Variants in ZCCHC7 observed in about 807,000 individuals in gnomAD.
ZCCHC7 encodes the protein zinc finger CCHC domain-containing protein 7.
Under a neutral mutation model 52.0 loss-of-function variants are expected in ZCCHC7, and 35 were observed. The observed-to-expected ratio is 0.67, with a 90% CI of 0.51 to 0.89. The LOEUF (loss-of-function observed/expected upper bound fraction) is 0.89, where lower values mean the gene tolerates loss of function less well. Ranked by LOEUF, ZCCHC7 falls within the 40% of genes least tolerant of loss-of-function variation. ZCCHC7 has a pLI of 0.00. For synonymous variants in ZCCHC7, 217 were observed against 221.5 expected, an observed-to-expected ratio of 0.98 and a Z score of 0.18; for missense variants, 574 against 649.1, an observed-to-expected ratio of 0.88 and a Z score of 1.26.
intron 5 of ZCCHC7, among the ~76,000 whole-genome samples, chr9:37,318,531 AAC>A (rs1406156431): frequency 1.3e-5 from 2 of 151,976 alleles, no homozygotes; most frequent in African/African-American, 2.4e-5. Flanking sequence ...CATTAAGTAA[AAC>A]ACACAGATTA....
At chr9:37,328,849 C>A (rs1284574560) in intron 6 of ZCCHC7, among the ~76,000 whole-genome samples, 1 of 151,864 alleles carries the variant, frequency 6.6e-6, no homozygotes, top group Non-Finnish European at 1.5e-5. Flanking sequence ...TTTGTGATTA[C>A]CATTTAATTT....
intron 2 of ZCCHC7, among the ~76,000 whole-genome samples, chr9:37,279,883 G>A (rs780369645): frequency 2.0e-4 from 30 of 150,540 alleles, no homozygotes; most frequent in South Asian, 1.3e-3. Context: ...CACCGGGTGC[G>A]GTGGCTTAAG....
chr9:37,208,447 C>T (rs1032849216), intron 2 of ZCCHC7, among the ~76,000 whole-genome samples: 1 of 152,144 alleles, frequency 6.6e-6, no homozygotes, highest in Non-Finnish European at 1.5e-5. Context: ...TCACTTCTAG[C>T]TTTAATAGGC....
intron 2 of ZCCHC7, chr9:37,205,209 G>A (rs748504721): frequency 2.6e-6 from 1 of 380,348 alleles, no homozygotes. Context: ...AGCGTGCAGG[G>A]TAACATTGTA....
In ZCCHC7 at chr9:37,126,165, A is replaced by G. The variant is rs780899297; in HGVS notation, c.-21-147A>G. The stretch of plus-strand genomic sequence containing the variant: ...GAGTGGGTCCTAACAGGACTTAGAA[A>G]TCCTTGGAAAAAAAGGTATTTTAAT... On this transcript the variant is annotated intron_variant, in intron 1 of 8. Coordinates refer to ENST00000336755, the MANE Select transcript of ZCCHC7 (RefSeq NM_032226.3). The G allele has an allele frequency of 1.6e-4, 127 of 815,020 alleles. 1 individual carries two copies. The highest frequency in any genetic ancestry group is 3.9e-4 in the Admixed American group (13 of 33,352). The allele number at this position is 815,020 out of a possible 1,614,324, so 50.5% of individuals were successfully genotyped here.
intron 2 of ZCCHC7, among the ~76,000 whole-genome samples, chr9:37,254,402 T>C (rs1170129697): frequency 2.0e-5 from 3 of 151,962 alleles, no homozygotes. Context: ...GTTAACCCTT[T>C]ATATTGGTTT....
chr9:37,138,839 A>G (rs1344667937), intron 2 of ZCCHC7, among the ~76,000 whole-genome samples: 1 of 151,614 alleles, frequency 6.6e-6, no homozygotes, highest in Admixed American at 6.6e-5. Flanking sequence ...TTTGTTTATT[A>G]TAAAAATAAT....
intron 2 of ZCCHC7, 99 bp from the exon 3 acceptor site, chr9:37,302,089 T>G (rs1331402326): frequency 2.5e-5 from 24 of 943,366 alleles, no homozygotes; most frequent in Non-Finnish European, 3.7e-5. Flanking sequence ...AGTGTACCTT[T>G]GGGGTCCAAT....
rs1032365988 is a variant in ZCCHC7, at chr9:37,293,534, T to C, written c.611-8654T>C. Among the ~76,000 whole-genome samples the C allele has an allele frequency of 3.3e-5, 5 of 152,278 alleles. No individual in the cohort carries two copies. In the East Asian group the frequency reaches 9.6e-4, roughly 29 times the overall value. ...CTTGTCATTTTACAGATATTGTAAA[T>C]ATACATATGGTATATTTTCTTTTTG... is the stretch of plus-strand genomic sequence containing the variant. On this transcript the variant is annotated intron_variant, in intron 2 of 8. Transcript: ENST00000336755.
intron 2 of ZCCHC7, among the ~76,000 whole-genome samples, chr9:37,235,441 T>G (rs1825596666): frequency 6.6e-6 from 1 of 151,796 alleles, no homozygotes; most frequent in Non-Finnish European, 1.5e-5. Flanking sequence ...ATTTTATTCT[T>G]TCTTTTCTTT....
chr9:37,218,278 A>C (rs1824619734), intron 2 of ZCCHC7, among the ~76,000 whole-genome samples: 1 of 152,202 alleles, frequency 6.6e-6, no homozygotes, highest in Admixed American at 6.5e-5. Context: ...ACTACAATTA[A>C]ATAATAAGGC....
intron 5 of ZCCHC7, among the ~76,000 whole-genome samples, chr9:37,322,912 TCAG>T (rs1450167959): frequency 7.2e-5 from 11 of 152,162 alleles, no homozygotes; most frequent in Admixed American, 6.6e-5. Context: ...TATTTCTGCA[TCAG>T]CAGTATGGGG....
intron 7 of ZCCHC7, among the ~76,000 whole-genome samples, chr9:37,351,879 A>G (rs1283912372): frequency 6.6e-6 from 1 of 152,218 alleles, no homozygotes; most frequent in Non-Finnish European, 1.5e-5. Context: ...GATAGGAAAT[A>G]TATTAAAAGC....
At chr9:37,256,970 G>A (rs1429552280) in intron 2 of ZCCHC7, among the ~76,000 whole-genome samples, 10 of 152,030 alleles carry the variant, frequency 6.6e-5, no homozygotes, top group Non-Finnish European at 8.8e-5. Context: ...ATTGGATATG[G>A]ATACCTATAA....
intron 2 of ZCCHC7, among the ~76,000 whole-genome samples, chr9:37,189,914 C>T (rs1564168150): frequency 6.6e-6 from 1 of 152,174 alleles, no homozygotes; most frequent in Non-Finnish European, 1.5e-5. Flanking sequence ...TAGGATCAAC[C>T]TTATGCAGGC....
At chr9:37,242,744 A>G (rs948759726) in intron 2 of ZCCHC7, among the ~76,000 whole-genome samples, 2 of 151,812 alleles carry the variant, frequency 1.3e-5, no homozygotes, top group East Asian at 1.9e-4. Flanking sequence ...GTTATTTTAA[A>G]TTGTGTATTT....
intron 2 of ZCCHC7, among the ~76,000 whole-genome samples, chr9:37,188,299 C>T (rs1335152081): frequency 1.3e-5 from 2 of 152,082 alleles, no homozygotes; most frequent in East Asian, 3.9e-4. Context: ...AGATGTGTGC[C>T]ATCATGCCTG....
intron 6 of ZCCHC7, among the ~76,000 whole-genome samples, chr9:37,333,521 T>G (rs1044798863): frequency 6.6e-6 from 1 of 151,762 alleles, no homozygotes; most frequent in Non-Finnish European, 1.5e-5. Flanking sequence ...GTTGTACTTC[T>G]GTTTTAAAAA....
intron 2 of ZCCHC7, among the ~76,000 whole-genome samples, chr9:37,127,563 G>A (rs1214078582): frequency 6.6e-6 from 1 of 152,174 alleles, no homozygotes; most frequent in Non-Finnish European, 1.5e-5. Context: ...TCTGTGACAT[G>A]TAGTCATCTA....
Sources: gnomAD v4.1 joint callset for allele counts (sites outside exome capture counted in the v4.1 genomes callset) on GRCh38, gnomAD v4.1.1 for gene constraint, MANE v1.5 for transcripts, NCBI Gene and HGNC (gene_info 2026-07-23, HGNC 2026-07-21) for gene names.